The following FHL3 variants were observed in gnomAD, a reference collection of about 807,000 sequenced individuals.
The protein encoded by FHL3 is four and a half LIM domains protein 3.
A neutral mutation model predicts 34.3 loss-of-function variants in FHL3; 21 were observed. The ratio of observed to expected loss-of-function variants is 0.61; its 90% confidence interval spans 0.43 to 0.88. The LOEUF is 0.88. Among genes scored for constraint, FHL3 ranks in the 40% least tolerant of loss-of-function variants. The probability of loss-of-function intolerance (pLI) is 0.00; values close to 1 mark genes in which losing one functional copy is unlikely to be tolerated. For synonymous variants in FHL3, 137 were observed against 144.6 expected (o/e 0.95, Z 0.38); for missense variants, 333 against 373.7 (o/e 0.89, Z 0.90).
rs1415390517 is a variant in FHL3, at chr1:37,998,148, G to A, written c.332-16C>T. The A allele has an allele frequency of 6.2e-7, 1 of 1,612,688 alleles. No homozygotes were observed. The highest frequency in any genetic ancestry group is 2.2e-5 in the East Asian group (1 of 44,862). The stretch of plus-strand genomic sequence containing the variant: ...TTCCGGGACCCTGTGGGGAACAGGG[G>A]TCCCATTTAGAGGTTGTGTCCCATG... On this transcript the variant is annotated splice_polypyrimidine_tract_variant and intron_variant, in intron 3 of 5. Coordinates refer to ENST00000373016, the MANE Select transcript of FHL3 (RefSeq NM_004468.5).
rs1188936794 is a variant in FHL3 at position 37,999,050 on chromosome 1, A to G, written c.255T>C (p.Ser85=). 1 of 1,614,256 alleles carries G rather than the reference A, an allele frequency of 6.2e-7. No homozygotes were observed. The highest frequency in any genetic ancestry group is 1.7e-5 in the Admixed American group (1 of 60,036). The change falls in exon 3 of 6, where the codon AGT becomes AGC. Residue 85 remains serine (S), a synonymous_variant. Coordinates refer to ENST00000373016, the MANE Select transcript of FHL3 (RefSeq NM_004468.5). ...AGTAGCAGTCATTGCAGAGCAGCTC[A>G]CTGTCCTGGCAGGTGAAGGGTTCAT... is the stretch of plus-strand genomic sequence containing the variant. The part of the protein sequence containing the change: ...LADEPFTCQD[S]ELLCNDCYCS...
chr1:37,998,263 A>AC (rs1646556182), intron 3 of FHL3, 131 bp from the exon 4 acceptor site: 33 of 727,058 alleles, frequency 4.5e-5, no homozygotes, highest in South Asian at 2.3e-4. Flanking sequence ...TGCAGCAAGA[A>AC]CCCCCCCGCC....
At chr1:38,003,493 T>A (rs540248628) in intron 1 of FHL3, among the ~76,000 whole-genome samples, 3 of 152,196 alleles carry the variant, frequency 2.0e-5, no homozygotes, top group African/African-American at 7.2e-5. Flanking sequence ...AGGACACCAG[T>A]GGGGAAAGTG....
chr1:38,000,942 C>T (rs538109334), intron 1 of FHL3, among the ~76,000 whole-genome samples: 18 of 152,292 alleles, frequency 1.2e-4, no homozygotes, highest in African/African-American at 3.1e-4. Context: ...TGCTGGCAGT[C>T]GCCAGGGCCT....
chr1:37,997,429 C>T lies in FHL3; in HGVS notation c.819G>A (p.Gln273=). The T allele has an allele frequency of 6.2e-7, 1 of 1,613,998 alleles. No homozygotes were observed. The highest frequency in any genetic ancestry group is 8.5e-7 in the Non-Finnish European group (1 of 1,179,922). Residue 273 remains glutamine (Q), a synonymous_variant, in exon 6 of 6, where the codon CAG becomes CAA. Coordinates refer to ENST00000373016, the MANE Select transcript of FHL3 (RefSeq NM_004468.5). This position sits in a 1 kb window ranked among gnomAD's most constrained non-coding sequence, Gnocchi z 4.3. ...CTTAGGGCCCTGCCTGGCTACAGCC[C>T]TGGCAGAGCACTTGGTCTCCATCCG... ...FVPDGDQVLC[Q]GCSQAGP
rs1401220165 is a variant in FHL3, at chr1:37,997,607, C to G, written c.689-48G>C. On this transcript the variant is annotated intron_variant, in intron 5 of 5. Coordinates refer to ENST00000373016, the MANE Select transcript of FHL3 (RefSeq NM_004468.5). The surrounding 1 kb of genome is among the most constrained non-coding windows in gnomAD (Gnocchi z 4.3). The stretch of plus-strand genomic sequence containing the variant: ...CTATGCAGATGTGGGGATGGTCCGG[C>G]CCTCAACCTCACCCAATACCACATC... 6.2e-7 allele frequency: 1 copy of G among 1,612,322 alleles called. No homozygotes were observed. The highest frequency in any genetic ancestry group is 8.5e-7 in the Non-Finnish European group (1 of 1,178,986).
Position 37,997,583 on chromosome 1 carries a change from T to C in FHL3, c.689-24A>G, listed in dbSNP as rs766100116. ...TCCTGGAGGGAGGCTGGAAGTTAGC[T>C]ATGCAGATGTGGGGATGGTCCGGCC... On this transcript the variant is annotated intron_variant, in intron 5 of 5. Coordinates refer to ENST00000373016, the MANE Select transcript of FHL3 (RefSeq NM_004468.5). The surrounding 1 kb of genome is among the most constrained non-coding windows in gnomAD (Gnocchi z 4.3). 6 of 1,613,548 alleles carry C rather than the reference T, an allele frequency of 3.7e-6. No homozygotes were observed. Among genetic ancestry groups the C allele is most frequent in the Middle Eastern group, 3.3e-4 (2 of 6,056 alleles).
At chr1:37,998,172 T>C in intron 3 of FHL3, 40 bp from the exon 4 acceptor site, 1 of 1,597,200 alleles carries the variant, frequency 6.3e-7, no homozygotes, top group Non-Finnish European at 8.6e-7. Flanking sequence ...TTGTGTCCCA[T>C]GCTCCTGAGG....
chr1:37,997,482 T>A lies in FHL3; in HGVS notation c.766A>T (p.Thr256Ser). 1 of 1,613,596 alleles carries A rather than the reference T, an allele frequency of 6.2e-7. No individual in the cohort carries two copies. Among genetic ancestry groups the A allele is most frequent in the Non-Finnish European group, 8.5e-7 (1 of 1,179,858 alleles). ...HNCFSCARCS[T>S]SLVGQGFVPD... ...ACGAAGCCCTGGCCCACCAGGGAGG[T>A]AGAGCAGCGGGCGCAGGAGAAGCAG... The change falls in exon 6 of 6, where the codon ACC becomes TCC. Residue 256 changes from threonine (T) to serine (S), a missense_variant. Transcript: ENST00000373016. This position sits in a 1 kb window ranked among gnomAD's most constrained non-coding sequence, Gnocchi z 4.3.
intron 1 of FHL3, among the ~76,000 whole-genome samples, chr1:38,002,907 C>T (rs1421181846): frequency 6.6e-6 from 1 of 151,970 alleles, no homozygotes; most frequent in Admixed American, 6.6e-5. Flanking sequence ...CCTGTAATCC[C>T]AGCACTTTGG....
chr1:38,005,216 G>A (rs1210991651), intron 1 of FHL3, 141 bp downstream of exon 1: 1 of 151,562 alleles, frequency 6.6e-6, no homozygotes, highest in African/African-American at 2.4e-5. Context: ...GGCGTGCCCC[G>A]GGCACCCGTG....
intron 1 of FHL3, among the ~76,000 whole-genome samples, chr1:38,002,252 C>T (rs1380653149): frequency 6.6e-6 from 1 of 151,982 alleles, no homozygotes; most frequent in African/African-American, 2.4e-5. Context: ...GCACCTGCTA[C>T]CACGCCCGGC....
intron 1 of FHL3, among the ~76,000 whole-genome samples, chr1:38,002,256 G>A (rs755924694): frequency 3.3e-5 from 5 of 151,808 alleles, no homozygotes; most frequent in African/African-American, 9.7e-5. Context: ...CTGCTACCAC[G>A]CCCGGCTAAT....
chr1:37,998,866 G>T, intron 3 of FHL3, 108 bp downstream of exon 3: 3 of 1,139,870 alleles, frequency 2.6e-6, no homozygotes, highest in Non-Finnish European at 3.8e-6. Context: ...GAAACATGCT[G>T]TGTATGCAGG....
chr1:38,000,507 A>G (rs144417003), intron 1 of FHL3, among the ~76,000 whole-genome samples: 83 of 152,210 alleles, frequency 5.5e-4, no homozygotes, highest in South Asian at 2.7e-3. Context: ...TTTCTCCCCA[A>G]TCAGGCCCCA....
At chr1:38,001,114 T>C (rs1646589603) in intron 1 of FHL3, among the ~76,000 whole-genome samples, 1 of 152,216 alleles carries the variant, frequency 6.6e-6, no homozygotes, top group Non-Finnish European at 1.5e-5. Flanking sequence ...CTCTGCGCAA[T>C]GGGAGAACAG....
intron 1 of FHL3, among the ~76,000 whole-genome samples, chr1:38,001,534 G>A (rs774586148): frequency 1.1e-4 from 16 of 152,214 alleles, no homozygotes; most frequent in Admixed American, 4.6e-4. Flanking sequence ...CTATCCAGCT[G>A]GGCTCTGGTG....
In FHL3 at chr1:38,005,484, T is replaced by A. The variant is rs920358152; in HGVS notation, c.-148A>T. The A allele has an allele frequency of 6.7e-6, 1 of 150,188 alleles. No homozygotes were observed. The highest frequency in any genetic ancestry group is 2.1e-4 in the South Asian group (1 of 4,822). The allele number at this position is 150,188 out of a possible 1,614,324, so 9.3% of individuals were successfully genotyped here. A position where few individuals can be genotyped will look rare whatever the true frequency, so the allele number is the denominator to read the frequency against. ...GGGCCGAGCGAGCTGCCGGCGAGGC[T>A]GCCGACTGCAGACGGACCGTGTGGG... On this transcript the variant is annotated 5_prime_UTR_variant, in exon 1 of 6. Transcript: ENST00000373016.
chr1:38,000,229 G>C (rs1173382700), intron 1 of FHL3, among the ~76,000 whole-genome samples: 1 of 152,350 alleles, frequency 6.6e-6, no homozygotes, highest in African/African-American at 2.4e-5. Flanking sequence ...CAGATGGCCA[G>C]ATGTCAGGTT....
Sources: allele counts gnomAD v4.1 joint callset (sites outside exome capture counted in the v4.1 genomes callset), GRCh38; gene constraint gnomAD v4.1.1; non-coding constraint Gnocchi (gnomAD v3.1); transcripts MANE v1.5; gene names NCBI Gene and HGNC (gene_info 2026-07-23, HGNC 2026-07-21).